RBFOX1: variants seen among roughly 807,000 people sequenced by gnomAD.
The protein encoded by RBFOX1 is RNA binding protein fox-1 homolog 1.
Under a neutral mutation model 57.7 loss-of-function variants are expected in RBFOX1, and 8 were observed. The observed-to-expected ratio is 0.14, with a 90% confidence interval of 0.08 to 0.25. The LOEUF is 0.25. RBFOX1 is among the 10% of genes least tolerant of loss of function. The pLI, the probability that RBFOX1 is intolerant of heterozygous loss-of-function variation, is 1.00. For synonymous variants in RBFOX1, 326 were observed against 222.4 expected (o/e 1.47, Z -4.15); for missense variants, 611 against 548.5 (o/e 1.11, Z -1.14).
At chr16:7,254,204 C>T (rs919972694) in intron 4 of RBFOX1, among the ~76,000 whole-genome samples, 1 of 152,136 alleles carries the variant, frequency 6.6e-6, no homozygotes, top group Admixed American at 6.6e-5. Flanking sequence ...TCACACAGTT[C>T]ATTGTTGGAG....
intron 3 of RBFOX1, among the ~76,000 whole-genome samples, chr16:5,637,884 C>A (rs553682712): frequency 2.3e-4 from 35 of 152,272 alleles, no homozygotes; most frequent in African/African-American, 7.7e-4. Flanking sequence ...TCTGCTACTC[C>A]CTGGAGGAAA....
At chr16:7,264,571 C>A (rs527966635) in intron 4 of RBFOX1, among the ~76,000 whole-genome samples, 4 of 152,128 alleles carry the variant, frequency 2.6e-5, no homozygotes, top group Admixed American at 2.0e-4. Flanking sequence ...AGAAAGTGGC[C>A]ACAGATAGAT....
At chr16:6,091,513 C>G (rs1458791866) in intron 1 of RBFOX1, among the ~76,000 whole-genome samples, 1 of 138,052 alleles carries the variant, frequency 7.2e-6, no homozygotes, top group Non-Finnish European at 1.5e-5. Context: ...CCTCAACTGA[C>G]TACATGGTAG....
intron 14 of RBFOX1, among the ~76,000 whole-genome samples, chr16:7,690,106 C>T (rs1305801328): frequency 6.6e-6 from 1 of 152,084 alleles, no homozygotes; most frequent in African/African-American, 2.4e-5. Context: ...GGTGCCATAA[C>T]ACTGCTTCTC....
intron 3 of RBFOX1, among the ~76,000 whole-genome samples, chr16:6,721,259 A>G (rs1270952816): frequency 3.3e-5 from 5 of 152,158 alleles, no homozygotes; most frequent in African/African-American, 7.2e-5. Context: ...TCTGGCCAAC[A>G]TGGTAAAACC....
At chr16:6,594,081 A>G (rs1418333820) in intron 2 of RBFOX1, among the ~76,000 whole-genome samples, 1 of 152,200 alleles carries the variant, frequency 6.6e-6, no homozygotes, top group African/African-American at 2.4e-5. Flanking sequence ...GTTCATCTAT[A>G]TCCACAAAAT....
At chr16:6,209,792 C>A (rs1165305554) in intron 1 of RBFOX1, among the ~76,000 whole-genome samples, 1 of 152,108 alleles carries the variant, frequency 6.6e-6, no homozygotes, top group Non-Finnish European at 1.5e-5. Context: ...TTCTTCCAGC[C>A]TGAGAGGTTT....
At chr16:6,344,407 C>CTTTTTTCTTTT (rs1555635137) in intron 2 of RBFOX1, among the ~76,000 whole-genome samples, 13 of 109,842 alleles carry the variant, frequency 1.2e-4, no homozygotes, top group South Asian at 2.8e-4. Context: ...TCTTTTTTTT[C>CTTTTTTCTTTT]TTTTTTTTTT....
At chr16:5,523,131 T>A (rs1179277409) in intron 2 of RBFOX1, among the ~76,000 whole-genome samples, 1 of 152,024 alleles carries the variant, frequency 6.6e-6, no homozygotes, top group African/African-American at 2.4e-5. Flanking sequence ...ACTGAAAGTA[T>A]AAAAATTAGC....
chr16:6,750,426 G>T (rs1309752293), intron 3 of RBFOX1, among the ~76,000 whole-genome samples: 3 of 152,142 alleles, frequency 2.0e-5, no homozygotes, highest in African/African-American at 7.2e-5. Flanking sequence ...GGTGGCTCAG[G>T]AGTAAATTAT....
intron 5 of RBFOX1, among the ~76,000 whole-genome samples, chr16:7,557,636 AAAAAAAGAAAAAG>A (rs869194713): frequency 0.17 from 21,142 of 126,638 alleles, 3,884 homozygotes; most frequent in Non-Finnish European, 0.27. Flanking sequence ...AAAAAAAAAA[AAAAAAAGAAAAAG>A]AAAAAAAAAA....
At chr16:5,891,507 A>G (rs1041433013) in intron 4 of RBFOX1, among the ~76,000 whole-genome samples, 4 of 152,172 alleles carry the variant, frequency 2.6e-5, no homozygotes, top group African/African-American at 9.7e-5. Context: ...CAGTCAGAGT[A>G]TTTGCTGTCA....
At chr16:6,988,729 TA>T (rs2090836718) in intron 3 of RBFOX1, among the ~76,000 whole-genome samples, 9 of 102,854 alleles carry the variant, frequency 8.8e-5, no homozygotes, top group Admixed American at 7.4e-4. Context: ...CACACCCAGC[TA>T]ATTTTTTTTT....
intron 3 of RBFOX1, among the ~76,000 whole-genome samples, chr16:6,683,710 C>G (rs1371169313): frequency 1.3e-5 from 2 of 152,112 alleles, no homozygotes; most frequent in East Asian, 3.9e-4. Context: ...CTAAGTACAG[C>G]AGGGTGTGTG....
At position 6,452,091 on chromosome 16, in the gene RBFOX1, C is replaced by A. The variant is rs575687954; in HGVS notation, c.-64+135034C>A. 7.5e-4 allele frequency among the ~76,000 whole-genome samples: 110 copies of A among 146,516 alleles called. 2 individuals carry two copies. The highest frequency in any genetic ancestry group is 2.7e-3 in the African/African-American group (107 of 39,534). ...CCTTCCATGACTCCATCCATGGCTC[C>A]TTCCTTCCATGGCTCCATCCATGGC... On this transcript the variant is annotated intron_variant, in intron 2 of 15. Transcript: ENST00000550418.
chr16:7,476,900 A>G (rs1361239121), intron 4 of RBFOX1, among the ~76,000 whole-genome samples: 4 of 152,166 alleles, frequency 2.6e-5, no homozygotes, highest in Non-Finnish European at 4.4e-5. Context: ...TACATTTTCA[A>G]TTCTGGCTTT....
intron 1 of RBFOX1, among the ~76,000 whole-genome samples, chr16:6,109,954 G>C (rs1000879533): frequency 6.6e-6 from 1 of 151,882 alleles, no homozygotes; most frequent in African/African-American, 2.4e-5. Context: ...TTTTATGTTT[G>C]GAAATCACTT....
intron 1 of RBFOX1, among the ~76,000 whole-genome samples, chr16:5,435,698 C>A (rs2067895770): frequency 6.6e-6 from 1 of 152,196 alleles, no homozygotes; most frequent in Admixed American, 6.5e-5. Flanking sequence ...CATGTGATCT[C>A]AAGCTGCCAT....
chr16:7,064,624 C>T (rs932066034), intron 4 of RBFOX1, among the ~76,000 whole-genome samples: 2 of 152,146 alleles, frequency 1.3e-5, no homozygotes, highest in Non-Finnish European at 2.9e-5. Context: ...TTCTGGCCTC[C>T]AGCACTGTGG....
Sources: gnomAD v4.1 joint callset for allele counts (sites outside exome capture counted in the v4.1 genomes callset) on GRCh38, gnomAD v4.1.1 for gene constraint, MANE v1.5 for transcripts, NCBI Gene and HGNC (gene_info 2026-07-23, HGNC 2026-07-21) for gene names.